The following PEX5L variants were observed in gnomAD, a reference collection of about 807,000 sequenced individuals.
PEX5L encodes peroxisomal biogenesis factor 5 like.
Under a neutral mutation model 84.0 loss-of-function variants are expected in PEX5L, and 30 were observed. That is an observed-to-expected ratio of 0.36 (90% CI 0.27 to 0.48). The LOEUF (loss-of-function observed/expected upper bound fraction) is 0.48, where lower values mean the gene tolerates loss of function less well. PEX5L is among the 20% of genes least tolerant of loss of function. PEX5L has a pLI of 0.99. For missense variants in PEX5L, 533 were observed against 754.6 expected (o/e 0.71, Z 3.44); for synonymous variants, 270 against 283.1 (o/e 0.95, Z 0.46).
intron 8 of PEX5L, among the ~76,000 whole-genome samples, chr3:179,849,491 A>G (rs1447694888): frequency 2.0e-5 from 3 of 152,246 alleles, no homozygotes; most frequent in Non-Finnish European, 4.4e-5. Flanking sequence ...AATTAGACTG[A>G]GGACCTACAT....
intron 2 of PEX5L, among the ~76,000 whole-genome samples, chr3:179,924,925 A>T (rs1401355115): frequency 6.6e-6 from 1 of 152,228 alleles, no homozygotes; most frequent in East Asian, 1.9e-4. Context: ...GAAAGCAATC[A>T]AACAAATATA....
At chr3:179,992,178 T>C (rs73180017) in intron 1 of PEX5L, among the ~76,000 whole-genome samples, 16,645 of 152,190 alleles carry the variant, frequency 0.11, 1,020 homozygotes, top group Non-Finnish European at 0.13. Context: ...CTATATGCAA[T>C]ATATTCTTCC....
At chr3:180,020,669 T>C (rs1790348230) in intron 1 of PEX5L, among the ~76,000 whole-genome samples, 1 of 152,156 alleles carries the variant, frequency 6.6e-6, no homozygotes, top group Non-Finnish European at 1.5e-5. Flanking sequence ...CTTATATTCT[T>C]TCTTTTGTTC....
intron 3 of PEX5L, chr3:179,895,664 T>C (rs1382919180): frequency 6.6e-6 from 1 of 152,132 alleles, no homozygotes. Context: ...CTAGAGTATG[T>C]TTGGCTTAAT....
At chr3:179,924,225 T>C (rs1322948842) in intron 2 of PEX5L, among the ~76,000 whole-genome samples, 1 of 152,120 alleles carries the variant, frequency 6.6e-6, no homozygotes, top group African/African-American at 2.4e-5. Context: ...CTGATACCTG[T>C]CTCCTTAGGG....
At chr3:179,913,668 T>C (rs1200757831) in intron 2 of PEX5L, among the ~76,000 whole-genome samples, 1 of 152,190 alleles carries the variant, frequency 6.6e-6, no homozygotes, top group Non-Finnish European at 1.5e-5. Context: ...AATAGAAATG[T>C]ATTTCTTGCA....
At chr3:179,888,122 G>A (rs1446248901) in intron 3 of PEX5L, 1 of 1,290,218 alleles carries the variant, frequency 7.8e-7, no homozygotes, top group Non-Finnish European at 1.0e-6. Context: ...CTCCTCACCT[G>A]GACAAAAGCT....
rs144964381 is a variant in PEX5L at position 179,918,333 on chromosome 3, A to G, written c.94-20087T>C. ...CAAGTAGCAAAATCTGGATACATTCATATTTTTATATAGGTCACACATTTG... is the reference window on the plus strand; with the variant it reads ...CAAGTAGCAAAATCTGGATACATTCGTATTTTTATATAGGTCACACATTTG... On this transcript the variant is annotated intron_variant, in intron 2 of 14. Transcript: ENST00000467460. 1.4e-3 allele frequency among the ~76,000 whole-genome samples: 220 copies of G among 152,306 alleles called. 1 individual carries two copies. Among genetic ancestry groups the G allele is most frequent in the African/African-American group, 5.1e-3 (214 of 41,566 alleles).
At position 179,873,056 on chromosome 3, in the gene PEX5L, G is replaced by A. The variant is rs571180469; in HGVS notation, c.726+1271C>T. Among the ~76,000 whole-genome samples, 7 of 152,254 alleles carry A rather than the reference G, an allele frequency of 4.6e-5. No homozygotes were observed. In the South Asian group the frequency reaches 1.2e-3, roughly 27 times the overall value. On this transcript the variant is annotated intron_variant, in intron 7 of 14. Coordinates refer to ENST00000467460, the MANE Select transcript of PEX5L (RefSeq NM_016559.3). ...GGAGGGTCAGGTGTTTGTAGGGGGC[G>A]CTGCTGGTGGCTTAGAAAAGTTTCC...
At position 179,800,839 on chromosome 3, in the gene PEX5L, A is replaced by T. The variant is rs559247812; in HGVS notation, c.*989T>A. 1 of 152,250 alleles carries T rather than the reference A, an allele frequency of 6.6e-6. No individual in the cohort carries two copies. The highest frequency in any genetic ancestry group is 6.5e-5 in the Admixed American group (1 of 15,280). The allele number at this position is 152,250 out of a possible 1,614,324, so 9.4% of individuals were successfully genotyped here. On this transcript the variant is annotated 3_prime_UTR_variant, in exon 15 of 15. Coordinates refer to ENST00000467460, the MANE Select transcript of PEX5L (RefSeq NM_016559.3). ...GAATATTGGTGTGCAGGGCAAAGCC[A>T]GTAAAGTATGACACTTAAGCAAGTT...
At chr3:179,863,823 C>T (rs527476586) in intron 7 of PEX5L, among the ~76,000 whole-genome samples, 1 of 152,252 alleles carries the variant, frequency 6.6e-6, no homozygotes, top group South Asian at 2.1e-4. Context: ...AATTCCACTA[C>T]TGGGTATATA....
chr3:179,845,853 G>C (rs1739120251), intron 8 of PEX5L, among the ~76,000 whole-genome samples: 1 of 152,188 alleles, frequency 6.6e-6, no homozygotes, highest in South Asian at 2.1e-4. Flanking sequence ...GGGTTCCAGA[G>C]AAGACCTCTG....
At chr3:179,947,295 T>C (rs560549047) in intron 2 of PEX5L, among the ~76,000 whole-genome samples, 8 of 144,354 alleles carry the variant, frequency 5.5e-5, no homozygotes, top group Non-Finnish European at 1.1e-4. Context: ...TTACCATTAA[T>C]TGAATAAAAA....
At chr3:179,946,234 T>C (rs1364694001) in intron 2 of PEX5L, among the ~76,000 whole-genome samples, 4 of 152,178 alleles carry the variant, frequency 2.6e-5, no homozygotes, top group Non-Finnish European at 5.9e-5. Context: ...ATCCAGGCTC[T>C]TGCTGGCTGT....
chr3:180,035,995 T>G (rs944248040), intron 1 of PEX5L, among the ~76,000 whole-genome samples: 13 of 152,164 alleles, frequency 8.5e-5, no homozygotes, highest in African/African-American at 3.1e-4. Flanking sequence ...GCACCTCCCC[T>G]GAAAAACATT....
chr3:179,901,459 T>C (rs1761320945), intron 2 of PEX5L, among the ~76,000 whole-genome samples: 1 of 152,238 alleles, frequency 6.6e-6, no homozygotes, highest in Non-Finnish European at 1.5e-5. Flanking sequence ...TTATAAACTT[T>C]AGATAACATT....
At chr3:180,030,378 A>G (rs1791344004) in intron 1 of PEX5L, among the ~76,000 whole-genome samples, 1 of 152,170 alleles carries the variant, frequency 6.6e-6, no homozygotes, top group Non-Finnish European at 1.5e-5. Flanking sequence ...GATCCGGTAC[A>G]TTCTTATTGT....
chr3:179,935,360 AT>A (rs1420630592), intron 2 of PEX5L, among the ~76,000 whole-genome samples: 3 of 152,116 alleles, frequency 2.0e-5, no homozygotes, highest in Non-Finnish European at 4.4e-5. Flanking sequence ...CTTATGGATC[AT>A]TTTTGCTTTC....
chr3:179,914,675 C>G (rs145002109), intron 2 of PEX5L, among the ~76,000 whole-genome samples: 3 of 152,184 alleles, frequency 2.0e-5, no homozygotes, highest in Non-Finnish European at 4.4e-5. Flanking sequence ...ATGATAAAAC[C>G]ATCTCCTTCC....
Sources: gnomAD v4.1 joint callset for allele counts (sites outside exome capture counted in the v4.1 genomes callset) on GRCh38, gnomAD v4.1.1 for gene constraint, MANE v1.5 for transcripts, NCBI Gene and HGNC (gene_info 2026-07-23, HGNC 2026-07-21) for gene names.